UBE2G2: variants seen among roughly 807,000 people sequenced by gnomAD.
UBE2G2 encodes the protein ubiquitin conjugating enzyme E2 G2.
In UBE2G2, 10 loss-of-function variants were observed where a neutral mutation model predicts 23.0. That is an observed-to-expected ratio of 0.43 (90% CI 0.27 to 0.74). The LOEUF (loss-of-function observed/expected upper bound fraction) is 0.74. Among genes scored for constraint, UBE2G2 ranks in the 30% least tolerant of loss-of-function variants. The pLI, the probability that UBE2G2 is intolerant of heterozygous loss-of-function variation, is 0.19. For synonymous variants in UBE2G2, 86 were observed against 81.3 expected, an observed-to-expected ratio of 1.06 and a Z score of -0.31; for missense variants, 150 against 218.3, an observed-to-expected ratio of 0.69 and a Z score of 1.97.
intron 1 of UBE2G2, among the ~76,000 whole-genome samples, chr21:44,791,007 A>G (rs1482777186): frequency 2.6e-5 from 4 of 152,158 alleles, no homozygotes; most frequent in African/African-American, 9.7e-5. Flanking sequence ...GTGGTCTGAA[A>G]AAGAGAAGAG....
chr21:44,799,305 G>C (rs189613136), intron 1 of UBE2G2, among the ~76,000 whole-genome samples: 72 of 152,320 alleles, frequency 4.7e-4, no homozygotes, highest in African/African-American at 1.6e-3. Context: ...CCTGTCCTTT[G>C]AAGCCAGTCA....
Position 44,771,616 on chromosome 21 carries a change from T to A in UBE2G2, c.386-127A>T. 1.0e-6 allele frequency: 1 copy of A among 992,536 alleles called. No individual in the cohort carries two copies. Among genetic ancestry groups the A allele is most frequent in the Non-Finnish European group, 1.5e-6 (1 of 657,176 alleles). The allele number at this position is 992,536 out of a possible 1,614,324, so 61.5% of individuals were successfully genotyped here. A position where few individuals can be genotyped will look rare whatever the true frequency, so the allele number is the denominator to read the frequency against. On this transcript the variant is annotated intron_variant, in intron 5 of 5. Coordinates refer to ENST00000345496, the MANE Select transcript of UBE2G2 (RefSeq NM_003343.6). The surrounding 1 kb of genome is among the most constrained non-coding windows in gnomAD (Gnocchi z 4.6). ...AGCTGTGTCCCAGAAACAAAGAACC[T>A]GAGAACTGCATGGGGTCGGCCCCAC...
intron 1 of UBE2G2, among the ~76,000 whole-genome samples, chr21:44,790,397 G>A (rs782603309): frequency 6.6e-6 from 1 of 152,158 alleles, no homozygotes; most frequent in Non-Finnish European, 1.5e-5. Flanking sequence ...AGCTAAATTC[G>A]TAATAGCCCC....
Position 44,801,750 on chromosome 21 carries a change from G to A in UBE2G2, c.-2C>T. 6.6e-7 allele frequency: 1 copy of A among 1,519,540 alleles called. No homozygotes were observed. The highest frequency in any genetic ancestry group is 8.8e-7 in the Non-Finnish European group (1 of 1,135,842). The allele number at this position is 1,519,540 out of a possible 1,614,324, so 94.1% of individuals were successfully genotyped here. A position where few individuals can be genotyped will look rare whatever the true frequency, so the allele number is the denominator to read the frequency against. ...CCTCTTGAGCGCGGTCCCCGCCATG[G>A]CCCCGCAACAGCTGCGCCGAGCGAC... On this transcript the variant is annotated 5_prime_UTR_variant, in exon 1 of 6. Transcript: ENST00000345496.
At chr21:44,800,892 T>C (rs781940592) in intron 1 of UBE2G2, 13 of 151,990 alleles carry the variant, frequency 8.6e-5, no homozygotes, top group Non-Finnish European at 1.8e-4. Flanking sequence ...GTATCAAGTT[T>C]AACCTTTTAA....
At chr21:44,780,247 C>A (rs376151074) in intron 3 of UBE2G2, among the ~76,000 whole-genome samples, 2 of 152,232 alleles carry the variant, frequency 1.3e-5, no homozygotes, top group Non-Finnish European at 2.9e-5. Context: ...GAACGCCTGG[C>A]GCCCAGACAG....
chr21:44,801,491 T>A (rs917620968), intron 1 of UBE2G2: 1 of 1,092,254 alleles, frequency 9.2e-7, no homozygotes, highest in East Asian at 3.3e-5. Context: ...GGCGCTGCCT[T>A]TACTGATGCT....
intron 1 of UBE2G2, among the ~76,000 whole-genome samples, chr21:44,795,842 C>G (rs1386347013): frequency 6.6e-6 from 1 of 152,106 alleles, no homozygotes; most frequent in Non-Finnish European, 1.5e-5. Flanking sequence ...CATATATCCA[C>G]AGAAAGACAT....
chr21:44,778,822 C>T (rs2146388345), intron 3 of UBE2G2, among the ~76,000 whole-genome samples: 1 of 152,328 alleles, frequency 6.6e-6, no homozygotes, highest in Non-Finnish European at 1.5e-5. Flanking sequence ...CAGCTCTGCT[C>T]CTCTAACAAC....
At chr21:44,774,543 CA>C (rs1472767101) in intron 4 of UBE2G2, 2 of 255,718 alleles carry the variant, frequency 7.8e-6, no homozygotes, top group African/African-American at 4.7e-5. Context: ...TGAAAATTCA[CA>C]AATGTGAATG....
chr21:44,787,437 G>C (rs1036097426), intron 3 of UBE2G2, among the ~76,000 whole-genome samples: 7 of 152,168 alleles, frequency 4.6e-5, no homozygotes, highest in African/African-American at 1.7e-4. Context: ...TGCAGCACAC[G>C]AAGATACGAA....
At chr21:44,801,227 C>CA (rs2083134305) in intron 1 of UBE2G2, 7 of 731,612 alleles carry the variant, frequency 9.6e-6, no homozygotes, top group Non-Finnish European at 1.2e-5. Flanking sequence ...GGAGGAGTGA[C>CA]AGGTGGCACT....
intron 3 of UBE2G2, among the ~76,000 whole-genome samples, chr21:44,778,436 A>T (rs1424200350): frequency 6.6e-6 from 1 of 152,254 alleles, no homozygotes; most frequent in Admixed American, 6.5e-5. Context: ...CTCACGTGTA[A>T]ATGGAAGAAA....
chr21:44,774,835 G>C, intron 4 of UBE2G2: 1 of 412,454 alleles, frequency 2.4e-6, no homozygotes, highest in South Asian at 1.8e-5. Context: ...ATCCACAGAA[G>C]CATCAAAAGC....
intron 1 of UBE2G2, among the ~76,000 whole-genome samples, chr21:44,794,655 C>T (rs1245394341): frequency 6.6e-6 from 1 of 151,948 alleles, no homozygotes; most frequent in Non-Finnish European, 1.5e-5. Flanking sequence ...CTGCCTCAGC[C>T]TCCTGAGTAG....
At chr21:44,775,091 A>G (rs2082903643) in intron 4 of UBE2G2, 1 of 163,760 alleles carries the variant, frequency 6.1e-6, no homozygotes, top group Non-Finnish European at 1.3e-5. Context: ...GGAGTCTTTC[A>G]ATGGAGTTCC....
intron 1 of UBE2G2, among the ~76,000 whole-genome samples, chr21:44,790,102 A>AT (rs1161398465): frequency 2.6e-5 from 4 of 152,246 alleles, no homozygotes; most frequent in Non-Finnish European, 5.9e-5. Context: ...ATTGTGAATC[A>AT]TAAGGGTAAT....
At chr21:44,788,409 C>T (rs1215699992) in intron 1 of UBE2G2, among the ~76,000 whole-genome samples, 1 of 151,510 alleles carries the variant, frequency 6.6e-6, no homozygotes, top group Admixed American at 6.6e-5. Context: ...CCTGCCTCAG[C>T]CTCCCAAGTA....
chr21:44,798,665 A>G (rs1322540706), intron 1 of UBE2G2, among the ~76,000 whole-genome samples: 1 of 152,228 alleles, frequency 6.6e-6, no homozygotes, highest in Non-Finnish European at 1.5e-5. Context: ...CAACTGAGTG[A>G]CATCTTCAGG....
Sources: allele counts gnomAD v4.1 joint callset (sites outside exome capture counted in the v4.1 genomes callset), GRCh38; gene constraint gnomAD v4.1.1; non-coding constraint Gnocchi (gnomAD v3.1); transcripts MANE v1.5; gene names NCBI Gene and HGNC (gene_info 2026-07-23, HGNC 2026-07-21).